The following OSBPL9 variants were observed in gnomAD, a reference collection of about 807,000 sequenced individuals.
The protein encoded by OSBPL9 is oxysterol binding protein like 9.
In OSBPL9, 40 loss-of-function variants were observed where a neutral mutation model predicts 106.6. The observed-to-expected ratio is 0.38, with a 90% confidence interval of 0.29 to 0.49. The LOEUF is 0.49. OSBPL9 is among the 20% of genes least tolerant of loss of function. The pLI is 0.97. For synonymous variants in OSBPL9, 269 were observed against 295.4 expected (o/e 0.91, Z 0.92); for missense variants, 609 against 887.2 (o/e 0.69, Z 3.98).
chr1:51,781,322 C>T lies in OSBPL9; in HGVS notation c.1415C>T (p.Thr472Ile). The T allele has an allele frequency of 1.2e-6, 2 of 1,613,946 alleles. No individual in the cohort carries two copies. Among genetic ancestry groups the T allele is most frequent in the East Asian group, 4.5e-5 (2 of 44,876 alleles). ...TGTCATTGGACATTACCAAATGATA[C>T]TGAAGAGAACACAGTGAGTTCTGCA... ...FQCHWTLPND[T>I]EENTELVSEG... The change falls in exon 16 of 24, where the codon ACT (threonine) becomes ATT (isoleucine). Residue 472 changes from threonine (T) to isoleucine (I), a missense_variant. By Grantham distance (89) the Thr-to-Ile change is moderately conservative. Transcript: ENST00000428468.
chr1:51,772,086 T>C lies in OSBPL9; in HGVS notation c.955T>C (p.Ser319Pro), dbSNP rs758601892. The change falls in exon 13 of 24, where the codon TCA becomes CCA. Residue 319 changes from serine to proline, a missense_variant. Physicochemically the swap from Ser to Pro is moderately conservative, Grantham distance 74. This residue lies in a region of OSBPL9 where 356 missense variants were observed against 505.8 expected (regional missense o/e 0.70). Coordinates refer to ENST00000428468, the MANE Select transcript of OSBPL9 (RefSeq NM_024586.6). ...KRLIDSSGSA[S>P]VLTHSSSGNS... ...TTTTTATAGTTCTTCTGGATCTGCC[T>C]CAGTCCTGACACACAGCAGCTCGGG... 5.0e-6 allele frequency: 8 copies of C among 1,612,976 alleles called. No individual in the cohort carries two copies. In the South Asian group the frequency reaches 8.8e-5, roughly 18 times the overall value.
intron 1 of OSBPL9, among the ~76,000 whole-genome samples, chr1:51,648,704 G>T (rs767049058): frequency 6.6e-6 from 1 of 152,178 alleles, no homozygotes; most frequent in Admixed American, 6.5e-5. Flanking sequence ...ATCTCCAACT[G>T]TGCAACTCAG....
intron 1 of OSBPL9, among the ~76,000 whole-genome samples, chr1:51,632,881 C>T (rs1214688211): frequency 6.6e-6 from 1 of 151,964 alleles, no homozygotes; most frequent in Non-Finnish European, 1.5e-5. Context: ...ACTCTTCTGC[C>T]TTCATTTCTT....
intron 3 of OSBPL9, among the ~76,000 whole-genome samples, chr1:51,682,296 G>A (rs962292028): frequency 9.2e-5 from 14 of 151,930 alleles, no homozygotes; most frequent in South Asian, 2.1e-4. Context: ...TTGAATCCAC[G>A]GATGCAGAAC....
At chr1:51,591,117 A>G (rs1328690785) in intron 1 of OSBPL9, among the ~76,000 whole-genome samples, 3 of 151,848 alleles carry the variant, frequency 2.0e-5, no homozygotes, top group African/African-American at 7.3e-5. Context: ...ATGGGGTTTC[A>G]CCATGTTAGC....
rs758760414 is a variant in OSBPL9 at position 51,602,018 on chromosome 1, C to CTT, written c.-353+3844_-353+3845dup. Among the ~76,000 whole-genome samples the CTT allele has an allele frequency of 2.7e-4, 21 of 76,396 alleles. 2 individuals carry two copies. The highest frequency in any genetic ancestry group is 5.9e-4 in the South Asian group (1 of 1,708). The allele number at this position is 76,396 out of a possible 152,430, so 50.1% of individuals were successfully genotyped here. On this transcript the variant is annotated intron_variant, in intron 2 of 25. Transcript: ENST00000371714. ...AGTCAATTGTTCCATTCTTGGGGTT[C>CTT]TTTTTTTTTTTTTTTTTTTTGAGAC...
intron 1 of OSBPL9, among the ~76,000 whole-genome samples, chr1:51,629,424 G>A (rs1272065871): frequency 6.6e-6 from 1 of 152,084 alleles, no homozygotes; most frequent in Non-Finnish European, 1.5e-5. Flanking sequence ...AGTGTGGGGA[G>A]ATATCTTCTG....
chr1:51,558,107 C>T, the OSBPL9 span, among the ~76,000 whole-genome samples: 2 of 152,074 alleles, frequency 1.3e-5, no homozygotes, highest in African/African-American at 2.4e-5. Context: ...GGTGAAACCC[C>T]CTCTCTACTA....
chr1:51,664,384 C>T (rs550705592), intron 2 of OSBPL9, among the ~76,000 whole-genome samples: 2 of 152,194 alleles, frequency 1.3e-5, no homozygotes, highest in East Asian at 3.9e-4. Flanking sequence ...TGGTGTGAGT[C>T]CATTTGTATA....
the OSBPL9 span, among the ~76,000 whole-genome samples, chr1:51,521,184 G>A: frequency 5.9e-5 from 9 of 152,314 alleles, no homozygotes; most frequent in African/African-American, 2.2e-4. Context: ...GAATATCCAG[G>A]TTCCATTCCT....
intron 3 of OSBPL9, among the ~76,000 whole-genome samples, chr1:51,711,842 TC>T (rs909506717): frequency 5.3e-5 from 8 of 149,768 alleles, no homozygotes; most frequent in Non-Finnish European, 1.0e-4. Flanking sequence ...GCTCCTCACT[TC>T]CTAGATGTGA....
chr1:51,519,254 G>A, the OSBPL9 span: 2 of 1,347,654 alleles, frequency 1.5e-6, no homozygotes, highest in African/African-American at 1.5e-5. Context: ...ATGCAAGGGA[G>A]GGGAAGGAAG....
chr1:51,579,746 A>G (rs1238136748), intron 1 of OSBPL9, among the ~76,000 whole-genome samples: 1 of 151,898 alleles, frequency 6.6e-6, no homozygotes, highest in East Asian at 1.9e-4. Context: ...CTGTAGTCCC[A>G]GCTACCTTGA....
chr1:51,682,071 G>C (rs1050155653), intron 3 of OSBPL9, among the ~76,000 whole-genome samples: 52 of 151,952 alleles, frequency 3.4e-4, no homozygotes, highest in Middle Eastern at 3.4e-3. Flanking sequence ...GCATGGTGGT[G>C]GGCATCTGTA....
chr1:51,663,152 A>G (rs1000736269), intron 2 of OSBPL9, among the ~76,000 whole-genome samples: 1 of 152,202 alleles, frequency 6.6e-6, no homozygotes, highest in African/African-American at 2.4e-5. Flanking sequence ...AGGAATAAAT[A>G]TTAACAAAAG....
At chr1:51,537,265 G>A in the OSBPL9 span, among the ~76,000 whole-genome samples, 3 of 152,102 alleles carry the variant, frequency 2.0e-5, no homozygotes, top group Non-Finnish European at 4.4e-5. Context: ...GCCAATGAGA[G>A]CCTCTTCAAA....
At chr1:51,784,774 TC>T in intron 20 of OSBPL9, 192 bp downstream of exon 20, 1 of 659,390 alleles carries the variant, frequency 1.5e-6, no homozygotes, top group African/African-American at 1.8e-5. Flanking sequence ...TTCAGAGCAG[TC>T]AGAGGTCATT....
At chr1:51,786,664 T>C (rs1370545841) in intron 22 of OSBPL9, 47 bp downstream of exon 22, 5 of 1,513,614 alleles carry the variant, frequency 3.3e-6, no homozygotes, top group Non-Finnish European at 4.6e-6. Flanking sequence ...TGCTTAAACT[T>C]TGCCTAGGCG....
Position 51,760,749 on chromosome 1 carries a change from C to T in OSBPL9, c.642C>T (p.Ser214=). 2 of 1,613,852 alleles carry T rather than the reference C, an allele frequency of 1.2e-6. No individual in the cohort carries two copies. Among genetic ancestry groups the T allele is most frequent in the Non-Finnish European group, 1.7e-6 (2 of 1,179,862 alleles). The change falls in exon 10 of 24, where the codon AGC becomes AGT. Residue 214 remains serine (S), a synonymous_variant. Coordinates refer to ENST00000428468, the MANE Select transcript of OSBPL9 (RefSeq NM_024586.6). The part of the protein sequence containing the change: ...YQPSPLEPVI[S]TMPSQTVLPP... ...CTAGTCCTTTGGAACCTGTGATCAG[C>T]ACAATGCCTTCCCAGACTGTGTTAC... is the stretch of plus-strand genomic sequence containing the variant.
Sources: gnomAD v4.1 joint callset for allele counts (sites outside exome capture counted in the v4.1 genomes callset) on GRCh38, gnomAD v4.1.1 for gene constraint, gnomAD v4.1.1 regional missense constraint, MANE v1.5 for transcripts, NCBI Gene and HGNC (gene_info 2026-07-23, HGNC 2026-07-21) for gene names.